MARVELD2: variants seen among roughly 807,000 people sequenced by gnomAD.
The protein encoded by MARVELD2 is MARVEL domain containing 2.
A neutral mutation model predicts 57.6 loss-of-function variants in MARVELD2; 49 were observed. That is an observed-to-expected ratio of 0.85 (90% CI 0.68 to 1.08). The LOEUF (loss-of-function observed/expected upper bound fraction) is 1.08, where lower values mean the gene tolerates loss of function less well. MARVELD2 is among the 50% of genes least tolerant of loss of function. The pLI, the probability that MARVELD2 is intolerant of heterozygous loss-of-function variation, is 0.00. For missense variants in MARVELD2, 606 were observed against 701.1 expected (o/e 0.86, Z 1.53); for synonymous variants, 238 against 258.8 (o/e 0.92, Z 0.77).
chr5:69,428,490 A>G lies in MARVELD2; in HGVS notation c.1182+3854A>G, dbSNP rs1446511757. 1.9e-4 allele frequency among the ~76,000 whole-genome samples: 21 copies of G among 110,406 alleles called. 8 individuals carry two copies. The highest frequency in any genetic ancestry group is 4.1e-4 in the Non-Finnish European group (21 of 51,488). 72.4% of individuals were successfully genotyped at this position (110,406 alleles called of 152,430 possible). A position where few individuals can be genotyped will look rare whatever the true frequency, so the allele number is the denominator to read the frequency against. ...TTACCACTGCACTCCAGCCTGGGCAATAGTGCGAGACTGTCTCAAAAATAA... is the reference window on the plus strand; with the variant it reads ...TTACCACTGCACTCCAGCCTGGGCAGTAGTGCGAGACTGTCTCAAAAATAA... On this transcript the variant is annotated intron_variant, in intron 3 of 6. Coordinates refer to ENST00000325631, the MANE Select transcript of MARVELD2 (RefSeq NM_001038603.3).
chr5:69,433,428 A>G (rs1175026268), intron 5 of MARVELD2, among the ~76,000 whole-genome samples: 6 of 143,458 alleles, frequency 4.2e-5, no homozygotes, highest in Non-Finnish European at 9.1e-5. Context: ...CTGGGATTAC[A>G]GTCATGAGCC....
intron 6 of MARVELD2, 23 bp from the exon 7 acceptor site, chr5:69,441,509 T>C (rs1336605016): frequency 5.6e-6 from 9 of 1,606,984 alleles, no homozygotes; most frequent in Non-Finnish European, 6.8e-6. Context: ...GGAGCCAAAA[T>C]AATACTTATA....
chr5:69,436,949 C>G (rs1248020831), intron 5 of MARVELD2, among the ~76,000 whole-genome samples: 1 of 151,814 alleles, frequency 6.6e-6, no homozygotes, highest in Non-Finnish European at 1.5e-5. Context: ...ATGGAGAAAC[C>G]CCATCTCGGC....
intron 2 of MARVELD2, among the ~76,000 whole-genome samples, chr5:69,422,678 G>A (rs1249080004): frequency 6.6e-6 from 1 of 152,024 alleles, no homozygotes; most frequent in Non-Finnish European, 1.5e-5. Context: ...TTATTACCTT[G>A]TAAAGCATGT....
chr5:69,424,597 C>A lies in MARVELD2; in HGVS notation c.1147-4C>A, dbSNP rs868030506. On this transcript the variant is annotated splice_region_variant and splice_polypyrimidine_tract_variant and intron_variant, in intron 2 of 6. Transcript: ENST00000325631. Reference sequence around the variant, plus strand: ...AAAAACTATTTGAACTCTTTTTGTTCCAGATAAATGAGCCATCATTGTCAT... The same window carrying A: ...AAAAACTATTTGAACTCTTTTTGTTACAGATAAATGAGCCATCATTGTCAT... 2 of 1,602,210 alleles carry A rather than the reference C, an allele frequency of 1.2e-6. No individual in the cohort carries two copies. Among genetic ancestry groups the A allele is most frequent in the Middle Eastern group, 1.7e-4 (1 of 6,040 alleles).
chr5:69,420,439 A>G lies in MARVELD2; in HGVS notation c.1054A>G (p.Met352Val). ...TGCAATGATCTTCCTGTTTGTCACC[A>G]TGATAGTTTATCTCATTAGTGCTTT... The part of the protein sequence containing the change: ...IAAMIFLFVT[M>V]IVYLISALVC... Residue 352 changes from methionine (M) to valine (V), a missense_variant, in exon 2 of 7, where the codon ATG becomes GTG. Coordinates refer to ENST00000325631, the MANE Select transcript of MARVELD2 (RefSeq NM_001038603.3). 1.9e-6 allele frequency: 3 copies of G among 1,613,870 alleles called. No individual in the cohort carries two copies. The highest frequency in any genetic ancestry group is 2.5e-6 in the Non-Finnish European group (3 of 1,180,020).
At chr5:69,432,791 T>C in intron 4 of MARVELD2, 116 bp downstream of exon 4, 4 of 1,557,190 alleles carry the variant, frequency 2.6e-6, no homozygotes, top group Admixed American at 1.7e-5. Context: ...TGTATGTAAA[T>C]AGTTGTTATC....
At chr5:69,435,447 T>G (rs534331545) in intron 5 of MARVELD2, among the ~76,000 whole-genome samples, 1 of 152,124 alleles carries the variant, frequency 6.6e-6, no homozygotes, top group African/African-American at 2.4e-5. Flanking sequence ...AACAGTTTTA[T>G]CACCCCAAAA....
At chr5:69,435,709 C>T (rs1362028055) in intron 5 of MARVELD2, among the ~76,000 whole-genome samples, 10 of 139,322 alleles carry the variant, frequency 7.2e-5, no homozygotes, top group South Asian at 2.3e-4. Context: ...GCCAAGATTG[C>T]GCCACTGCAC....
intron 1 of MARVELD2, among the ~76,000 whole-genome samples, chr5:69,418,199 G>A (rs1362253417): frequency 6.6e-6 from 1 of 152,124 alleles, no homozygotes; most frequent in Non-Finnish European, 1.5e-5. Context: ...AATACCATGT[G>A]CCCAGTTTAA....
intron 1 of MARVELD2, among the ~76,000 whole-genome samples, chr5:69,418,267 A>G (rs2150911669): frequency 6.6e-6 from 1 of 152,346 alleles, no homozygotes; most frequent in Admixed American, 6.5e-5. Context: ...AAGTCTTCAA[A>G]CAAAATACTT....
intron 2 of MARVELD2, 92 bp downstream of exon 2, chr5:69,420,623 G>A: frequency 8.2e-7 from 1 of 1,215,656 alleles, no homozygotes; most frequent in Admixed American, 2.2e-5. Flanking sequence ...GCTCAAAACA[G>A]AAAGCTTTCA....
chr5:69,418,494 C>A (rs1405605929), intron 1 of MARVELD2, among the ~76,000 whole-genome samples: 2 of 152,170 alleles, frequency 1.3e-5, no homozygotes, highest in Non-Finnish European at 2.9e-5. Flanking sequence ...GAATTGCCCT[C>A]GAAAGAGTAA....
chr5:69,425,993 C>T (rs888078186), intron 3 of MARVELD2, among the ~76,000 whole-genome samples: 4 of 151,672 alleles, frequency 2.6e-5, no homozygotes, highest in Admixed American at 1.3e-4. Context: ...CCGCCCGCCT[C>T]GGCCTCCCAA....
chr5:69,439,378 C>A (rs1344703113), intron 5 of MARVELD2, among the ~76,000 whole-genome samples: 1 of 151,338 alleles, frequency 6.6e-6, no homozygotes, highest in Non-Finnish European at 1.5e-5. Context: ...CCAGGCTGGT[C>A]TTGAACTCCT....
At chr5:69,432,431 C>T in intron 3 of MARVELD2, 96 bp from the exon 4 acceptor site, 1 of 1,370,948 alleles carries the variant, frequency 7.3e-7, no homozygotes, top group Non-Finnish European at 1.0e-6. Flanking sequence ...TTGAGCCACC[C>T]CACCTGATCT....
At position 69,433,038 on chromosome 5, in the gene MARVELD2, T is replaced by G. The variant is rs1243425194; in HGVS notation, c.1448T>G (p.Phe483Cys). The change falls in exon 5 of 7, where the codon TTT (phenylalanine) becomes TGT (cysteine). Residue 483 changes from phenylalanine (F) to cysteine (C), a missense_variant. Physicochemically the swap from Phe to Cys is radical, Grantham distance 205. Transcript: ENST00000325631. ...GAAGTTCAGGCTGTCCTGAGGAAGTTTGATGAGCTGGATGCAGTGATGAGC... is the reference window on the plus strand; with the variant it reads ...GAAGTTCAGGCTGTCCTGAGGAAGTGTGATGAGCTGGATGCAGTGATGAGC... ...SAEVQAVLRKFDELDAVMSRL... is the reference protein window; with the variant it reads ...SAEVQAVLRKCDELDAVMSRL... 1 of 1,614,082 alleles carries G rather than the reference T, an allele frequency of 6.2e-7. No homozygotes were observed. Among genetic ancestry groups the G allele is most frequent in the Non-Finnish European group, 8.5e-7 (1 of 1,180,048 alleles).
At position 69,442,567 on chromosome 5, in the gene MARVELD2, A is replaced by G. The variant is rs1767357081; in HGVS notation, c.*913A>G. ...TGAAGTCTACTGAAGTGTTTGTGAA[A>G]TGAATAAATTATAAAGAATGAGTCT... On this transcript the variant is annotated 3_prime_UTR_variant, in exon 7 of 7. Coordinates refer to ENST00000325631, the MANE Select transcript of MARVELD2 (RefSeq NM_001038603.3). 1 of 152,216 alleles carries G rather than the reference A, an allele frequency of 6.6e-6. No homozygotes were observed. The highest frequency in any genetic ancestry group is 6.5e-5 in the Admixed American group (1 of 15,270). 9.4% of individuals were successfully genotyped at this position (152,216 alleles called of 1,614,324 possible). A position where few individuals can be genotyped will look rare whatever the true frequency, so the allele number is the denominator to read the frequency against.
chr5:69,428,631 C>CAGAAAAAA (rs1349995014), intron 3 of MARVELD2, among the ~76,000 whole-genome samples: 1 of 145,458 alleles, frequency 6.9e-6, no homozygotes. Context: ...TAGGGATGGG[C>CAGAAAAAA]AAGTAAGAAA....
Sources: allele counts gnomAD v4.1 joint callset (sites outside exome capture counted in the v4.1 genomes callset), GRCh38; gene constraint gnomAD v4.1.1; transcripts MANE v1.5; gene names NCBI Gene and HGNC (gene_info 2026-07-23, HGNC 2026-07-21).